Variants in AHRR observed in about 807,000 individuals in gnomAD.
AHRR encodes aryl hydrocarbon receptor repressor.
In AHRR, 28 loss-of-function variants were observed where a neutral mutation model predicts 44.0. The ratio of observed to expected loss-of-function variants is 0.64; its 90% CI spans 0.47 to 0.87. The LOEUF (loss-of-function observed/expected upper bound fraction) is 0.87, where lower values mean the gene tolerates loss of function less well. AHRR is among the 40% of genes least tolerant of loss of function. The pLI, the probability that AHRR is intolerant of heterozygous loss-of-function variation, is 0.00. For synonymous variants in AHRR, 434 were observed against 407.0 expected, an observed-to-expected ratio of 1.07 and a Z score of -0.80; for missense variants, 990 against 953.9, an observed-to-expected ratio of 1.04 and a Z score of -0.50.
intron 1 of AHRR, among the ~76,000 whole-genome samples, chr5:329,707 C>A (rs1042733670): frequency 1.5e-4 from 23 of 152,048 alleles, no homozygotes; most frequent in Non-Finnish European, 2.6e-4. Flanking sequence ...GAGTTTTATT[C>A]TCAGGTATTT....
chr5:407,710 T>G (rs1414862596), intron 4 of AHRR, among the ~76,000 whole-genome samples: 3 of 152,168 alleles, frequency 2.0e-5, no homozygotes, highest in Non-Finnish European at 4.4e-5. Flanking sequence ...CAGCTAATTT[T>G]GTATTTTTAG....
At chr5:376,467 T>G in intron 3 of AHRR, 143 bp from the exon 4 acceptor site, 1 of 15,428 alleles carries the variant, frequency 6.5e-5, no homozygotes. Flanking sequence ...CTGCGTGGCC[T>G]GCAGAGGGGT....
chr5:430,425 T>C (rs997397703), intron 8 of AHRR, among the ~76,000 whole-genome samples: 8 of 152,248 alleles, frequency 5.3e-5, no homozygotes, highest in African/African-American at 1.4e-4. Context: ...GGCTTCCCGA[T>C]GCAGAGGATA....
At chr5:376,961 C>T (rs1187842293) in intron 4 of AHRR, among the ~76,000 whole-genome samples, 1 of 152,162 alleles carries the variant, frequency 6.6e-6, no homozygotes, top group Non-Finnish European at 1.5e-5. Context: ...CCCGAGAGCT[C>T]TCGGCCTTGT....
intron 2 of AHRR, among the ~76,000 whole-genome samples, chr5:349,209 C>T (rs193107113): frequency 3.6e-3 from 555 of 152,210 alleles, no homozygotes; most frequent in Admixed American, 0.011. Context: ...GGATATAAAC[C>T]CTTGTTGTGA....
intron 4 of AHRR, among the ~76,000 whole-genome samples, chr5:380,439 A>G (rs1579644328): frequency 6.6e-6 from 1 of 152,330 alleles, no homozygotes; most frequent in Middle Eastern, 3.4e-3. Flanking sequence ...CATTTGAACA[A>G]TACTGACTCT....
chr5:377,081 A>G (rs1318007353), intron 4 of AHRR, among the ~76,000 whole-genome samples: 2 of 152,196 alleles, frequency 1.3e-5, no homozygotes, highest in East Asian at 3.9e-4. Flanking sequence ...GGATTTGGCA[A>G]AGTCTACACT....
In AHRR at chr5:342,706, G is replaced by T. The variant is rs541967133; in HGVS notation, c.-10-1187G>T. Among the ~76,000 whole-genome samples the T allele has an allele frequency of 3.3e-5, 5 of 152,322 alleles. No individual in the cohort carries two copies. The highest frequency in any genetic ancestry group is 1.2e-4 in the African/African-American group (5 of 41,568). On this transcript the variant is annotated intron_variant, in intron 1 of 10. Coordinates refer to ENST00000684583, the MANE Select transcript of AHRR (RefSeq NM_001377236.1). This position sits in a 1 kb window ranked among gnomAD's most constrained non-coding sequence, Gnocchi z 4.3. ...AGGCTTCTGGCCCAGAGCCTGGCAC[G>T]GGATGGTTACTGCACACAGGTCTGC... is the stretch of plus-strand genomic sequence containing the variant.
Position 353,812 on chromosome 5 carries a change from A to G in AHRR, c.145A>G (p.Ser49Gly), listed in dbSNP as rs1237683475. The change falls in exon 3 of 11, where the codon AGC becomes GGC. Residue 49 changes from serine to glycine, a missense_variant. Transcript: ENST00000684583. Reference sequence around the variant, plus strand: ...CAACGCCGAGTTGGACCACCTGGCCAGCCTGCTGCCGTTCCCGCCTGACAT... The same window carrying G: ...CAACGCCGAGTTGGACCACCTGGCCGGCCTGCTGCCGTTCCCGCCTGACAT... ...RLNAELDHLASLLPFPPDIIS... is the reference protein window; with the variant it reads ...RLNAELDHLAGLLPFPPDIIS... 1 of 1,613,948 alleles carries G rather than the reference A, an allele frequency of 6.2e-7. No individual in the cohort carries two copies. The highest frequency in any genetic ancestry group is 2.2e-5 in the East Asian group (1 of 44,868).
chr5:376,550 G>GAGAACCGTGGGGTGAACGCGGGGA, intron 3 of AHRR, 60 bp from the exon 4 acceptor site: 1 of 1,422,296 alleles, frequency 7.0e-7, no homozygotes, highest in Non-Finnish European at 9.5e-7. Context: ...AGATGTGAAT[G>GAGAACCGTGGGGTGAACGCGGGGA]AAGAAGAGTG....
At position 435,536 on chromosome 5, in the gene AHRR, C is replaced by T. The variant is rs1415199820; in HGVS notation, c.*702C>T. The T allele has an allele frequency of 1.3e-5, 2 of 152,452 alleles. No homozygotes were observed. The highest frequency in any genetic ancestry group is 2.9e-5 in the Non-Finnish European group (2 of 68,128). The allele number at this position is 152,452 out of a possible 1,614,324, so 9.4% of individuals were successfully genotyped here. The stretch of plus-strand genomic sequence containing the variant: ...ATGGCGCCATGACAGAGTCTGAGGC[C>T]AGACCTGGACTGGAATTGACAGCAT... On this transcript the variant is annotated 3_prime_UTR_variant, in exon 11 of 11. Transcript: ENST00000684583.
chr5:387,922 T>C lies in AHRR; in HGVS notation c.351+11206T>C, dbSNP rs1734236450. Among the ~76,000 whole-genome samples the C allele has an allele frequency of 6.6e-6, 1 of 152,146 alleles. No individual in the cohort carries two copies. Among genetic ancestry groups the C allele is most frequent in the African/African-American group, 2.4e-5 (1 of 41,438 alleles). Reference sequence around the variant, plus strand: ...AGGACGGGCCCCTTGACAAAGGCTCTTGGGGAGAGTGTACTCCACACCCCC... The same window carrying C: ...AGGACGGGCCCCTTGACAAAGGCTCCTGGGGAGAGTGTACTCCACACCCCC... On this transcript the variant is annotated intron_variant, in intron 4 of 10. Coordinates refer to ENST00000684583, the MANE Select transcript of AHRR (RefSeq NM_001377236.1). This position sits in a 1 kb window ranked among gnomAD's most constrained non-coding sequence, Gnocchi z 5.1.
intron 3 of AHRR, among the ~76,000 whole-genome samples, chr5:371,156 G>T (rs552954967): frequency 3.9e-5 from 6 of 152,258 alleles, no homozygotes; most frequent in African/African-American, 1.2e-4. Flanking sequence ...AGGAAAAAGG[G>T]GTGACTCCTC....
In AHRR at chr5:393,693, A is replaced by G. The variant is rs547553453; in HGVS notation, c.351+16977A>G. Among the ~76,000 whole-genome samples the G allele has an allele frequency of 9.5e-4, 145 of 152,064 alleles. 1 individual carries two copies. The highest frequency in any genetic ancestry group is 3.3e-3 in the African/African-American group (138 of 41,442). ...CACTCTGTTTCCCAGGCTGGAGTGC[A>G]GTGGTACGATCTTGGCTCACTGCAA... On this transcript the variant is annotated intron_variant, in intron 4 of 10. Transcript: ENST00000684583.
At chr5:417,223 G>T (rs573215390) in intron 5 of AHRR, among the ~76,000 whole-genome samples, 5 of 145,808 alleles carry the variant, frequency 3.4e-5, no homozygotes, top group African/African-American at 1.0e-4. Flanking sequence ...TATGTGCAGG[G>T]CCCGAGTCTA....
At chr5:420,902 G>GCCACCCACCCACGCAGCA (rs1736070161) in intron 5 of AHRR, 2 of 322,560 alleles carry the variant, frequency 6.2e-6, no homozygotes, top group African/African-American at 4.7e-5. Flanking sequence ...CACGCACGCA[G>GCCACCCACCCACGCAGCA]CACGCACGCA....
rs570711460 is a variant in AHRR at position 330,850 on chromosome 5, A to G, written c.-11+9031A>G. Among the ~76,000 whole-genome samples, 17 of 136,720 alleles carry G rather than the reference A, an allele frequency of 1.2e-4. No homozygotes were observed. In the South Asian group the frequency reaches 4.0e-3, roughly 33 times the overall value. 89.7% of individuals were successfully genotyped at this position (136,720 alleles called of 152,430 possible). A position where few individuals can be genotyped will look rare whatever the true frequency, so the allele number is the denominator to read the frequency against. ...AGATTGGTCTTAGTTCTTTTTTTGC[A>G]TGTTTGGTATAATTCAGCATTTTTT... On this transcript the variant is annotated intron_variant, in intron 1 of 10. Coordinates refer to ENST00000684583, the MANE Select transcript of AHRR (RefSeq NM_001377236.1).
intron 3 of AHRR, among the ~76,000 whole-genome samples, chr5:369,715 G>A (rs142530835): frequency 6.6e-6 from 1 of 152,320 alleles, no homozygotes; most frequent in African/African-American, 2.4e-5. Context: ...TGTGCATCCT[G>A]GTGCAGAACA....
At position 373,749 on chromosome 5, in the gene AHRR, C is replaced by A. The variant is rs535579008; in HGVS notation, c.245-2861C>A. 4.0e-5 allele frequency among the ~76,000 whole-genome samples: 6 copies of A among 151,844 alleles called. No homozygotes were observed. The South Asian group carries it at 1.2e-3, about 31-fold the overall frequency. On this transcript the variant is annotated intron_variant, in intron 3 of 10. Transcript: ENST00000684583. ...AGGCCGTGGCCGGGTCCGCCCGCCC[C>A]GTGTGCACCCGGAGCGCCCGCGCGG...
Sources: allele counts gnomAD v4.1 joint callset (sites outside exome capture counted in the v4.1 genomes callset), GRCh38; gene constraint gnomAD v4.1.1; non-coding constraint Gnocchi (gnomAD v3.1); transcripts MANE v1.5; gene names NCBI Gene and HGNC (gene_info 2026-07-23, HGNC 2026-07-21).